Variants in HEXD observed in about 807,000 individuals in gnomAD.
The protein encoded by HEXD is N-acetyl-beta-galactosaminidase.
A neutral mutation model predicts 54.2 loss-of-function variants in HEXD; 47 were observed. The observed-to-expected ratio is 0.87, with a 90% CI of 0.69 to 1.11. The LOEUF (loss-of-function observed/expected upper bound fraction) is 1.11. HEXD is among the 50% of genes least tolerant of loss of function. The pLI is 0.00. For missense variants in HEXD, 576 were observed against 649.2 expected, an observed-to-expected ratio of 0.89 and a Z score of 1.23; for synonymous variants, 293 against 287.6, an observed-to-expected ratio of 1.02 and a Z score of -0.19.
chr17:82,442,464 C>T lies in HEXD; in HGVS notation c.*80C>T. On this transcript the variant is annotated 3_prime_UTR_variant, in exon 13 of 13. Transcript: ENST00000327949. This position sits in a 1 kb window ranked among gnomAD's most constrained non-coding sequence, Gnocchi z 6.8. ...CCAAATGGCCTGGGCAATACGGGCC[C>T]ACGTGGGCGTCGTGCCCTCTGGCCC... 1 of 1,608,158 alleles carries T rather than the reference C, an allele frequency of 6.2e-7. No homozygotes were observed.
chr17:82,442,385 G>C lies in HEXD; in HGVS notation c.*1G>C. On this transcript the variant is annotated 3_prime_UTR_variant, in exon 13 of 13. Transcript: ENST00000327949. This position sits in a 1 kb window ranked among gnomAD's most constrained non-coding sequence, Gnocchi z 6.8. ...CAGGGACGTTGCTCAGGACCCCTGAGGGGAGAGCTCATGCCAGGGGGCTCC... is the reference window on the plus strand; with the variant it reads ...CAGGGACGTTGCTCAGGACCCCTGACGGGAGAGCTCATGCCAGGGGGCTCC... 6.2e-7 allele frequency: 1 copy of C among 1,609,874 alleles called. No homozygotes were observed. The highest frequency in any genetic ancestry group is 8.5e-7 in the Non-Finnish European group (1 of 1,177,770).
chr17:82,424,571 G>C, intron 3 of HEXD, 68 bp downstream of exon 3: 1 of 1,103,702 alleles, frequency 9.1e-7, no homozygotes, highest in South Asian at 1.3e-5. Flanking sequence ...CCGCAGGGCA[G>C]GAGGAGCAGC....
intron 9 of HEXD, chr17:82,439,965 A>G (rs1366684871): frequency 1.3e-6 from 2 of 1,485,514 alleles, no homozygotes; most frequent in Non-Finnish European, 1.8e-6. Context: ...CCTCAGACAC[A>G]GTGAATCCGC....
intron 3 of HEXD, among the ~76,000 whole-genome samples, 200 bp from the exon 4 acceptor site, chr17:82,428,358 A>G (rs919757244): frequency 5.9e-5 from 9 of 152,156 alleles, no homozygotes; most frequent in Non-Finnish European, 1.2e-4. Flanking sequence ...TTACTTGAGG[A>G]CGTGCTAGAA....
intron 9 of HEXD, chr17:82,440,495 C>A: frequency 2.5e-6 from 1 of 392,446 alleles, no homozygotes; most frequent in Non-Finnish European, 4.3e-6. Flanking sequence ...ACGGCCCCAT[C>A]CGCCACCCGT....
In HEXD at chr17:82,438,132, G is replaced by C. The variant is rs4468665; in HGVS notation, c.899+769G>C. Among the ~76,000 whole-genome samples, 1,351 of 152,234 alleles carry C rather than the reference G, an allele frequency of 8.9e-3. 19 individuals carry two copies. The highest frequency in any genetic ancestry group is 0.031 in the African/African-American group (1,273 of 41,528). On this transcript the variant is annotated intron_variant, in intron 8 of 12. Coordinates refer to ENST00000327949, the MANE Select transcript of HEXD (RefSeq NM_001330542.2). ...CGCGCCTATGATCCTAGCTACTCGG[G>C]AGGCTGAGGCAAGGAGAATCACTTG...
At chr17:82,424,325 C>A in intron 2 of HEXD, 69 bp from the exon 3 acceptor site, 2 of 973,924 alleles carry the variant, frequency 2.1e-6, no homozygotes, top group Non-Finnish European at 3.3e-6. Flanking sequence ...AGGCGTCTCC[C>A]TGCTGTGGAC....
chr17:82,436,654 G>T lies in HEXD; in HGVS notation c.632-13G>T, dbSNP rs4789777. On this transcript the variant is annotated splice_polypyrimidine_tract_variant and intron_variant, in intron 6 of 12. Transcript: ENST00000327949. ...CAGGTGTCTCACCAACCTCACGTCC[G>T]CTCTGTCTGCAGCGTCCGGGGTGCC... 549,093 of 1,600,844 alleles carry T rather than the reference G, an allele frequency of 0.34. 105,334 individuals carry two copies. The highest frequency in any genetic ancestry group is 0.91 in the East Asian group (40,757 of 44,660).
rs111506538 is a variant in HEXD, at chr17:82,431,868, C to T, written c.283-1790C>T. On this transcript the variant is annotated intron_variant, in intron 4 of 12. Transcript: ENST00000327949. The stretch of plus-strand genomic sequence containing the variant: ...ATTTTTGGTTGAGAACTGAACATTT[C>T]AGTTAATACATTATAGCAAAGCTGA... 3.3e-3 allele frequency among the ~76,000 whole-genome samples: 497 copies of T among 152,336 alleles called. 1 individual carries two copies. The highest frequency in any genetic ancestry group is 6.8e-3 in the Middle Eastern group (2 of 294).
chr17:82,420,218 T>C (rs2143355371), intron 2 of HEXD: 1 of 179,394 alleles, frequency 5.6e-6, no homozygotes, highest in Non-Finnish European at 1.2e-5. Flanking sequence ...AAATAGGATC[T>C]TTGCAGATGT....
intron 6 of HEXD, 110 bp downstream of exon 6, chr17:82,435,982 C>T (rs1414548555): frequency 5.4e-5 from 56 of 1,027,838 alleles, no homozygotes; most frequent in South Asian, 2.6e-4. Context: ...GCCCCAGCCC[C>T]GCACAGACCC....
Position 82,441,281 on chromosome 17 carries a change from TAGGGGCAGGTGTGGGTG to T in HEXD, c.1163+21_1163+37del. On this transcript the variant is annotated intron_variant, in intron 11 of 12. Coordinates refer to ENST00000327949, the MANE Select transcript of HEXD (RefSeq NM_001330542.2). ...GAGGGCAACAGGTGAGCGTGTGGGTTAGGGGCAGGTGTGGGTGAGGGGGGCAGGCATGGGGCGGGTGC... is the reference window on the plus strand; with the variant it reads ...GAGGGCAACAGGTGAGCGTGTGGGTTAGGGGGGCAGGCATGGGGCGGGTGC... 3.1e-6 allele frequency: 5 copies of T among 1,595,384 alleles called. No individual in the cohort carries two copies. Among genetic ancestry groups the T allele is most frequent in the Non-Finnish European group, 1.7e-6 (2 of 1,173,236 alleles).
intron 6 of HEXD, 51 bp downstream of exon 6, chr17:82,435,923 C>T: frequency 1.3e-6 from 2 of 1,545,052 alleles, no homozygotes. Context: ...TGCCCAAGAC[C>T]TGCGGCTTCA....
rs2053128843 is a variant in HEXD, at chr17:82,418,484, A to G, written c.-308A>G. On this transcript the variant is annotated 5_prime_UTR_variant, in exon 1 of 13. Coordinates refer to ENST00000327949, the MANE Select transcript of HEXD (RefSeq NM_001330542.2). ...GGTTGCGGCCCTCCGCTGAGGAGCC[A>G]TCGGACCAGGCCGCCGCGGAGCCGG... 1 of 1,447,878 alleles carries G rather than the reference A, an allele frequency of 6.9e-7. No homozygotes were observed. Among genetic ancestry groups the G allele is most frequent in the African/African-American group, 1.5e-5 (1 of 67,556 alleles). The allele number at this position is 1,447,878 out of a possible 1,614,324, so 89.7% of individuals were successfully genotyped here. A position where few individuals can be genotyped will look rare whatever the true frequency, so the allele number is the denominator to read the frequency against.
rs1279922986 is a variant in HEXD, at chr17:82,442,644, G to A, written c.*260G>A. 1 of 1,492,838 alleles carries A rather than the reference G, an allele frequency of 6.7e-7. No individual in the cohort carries two copies. Among genetic ancestry groups the A allele is most frequent in the Non-Finnish European group, 9.1e-7 (1 of 1,100,750 alleles). The allele number at this position is 1,492,838 out of a possible 1,614,324, so 92.5% of individuals were successfully genotyped here. On this transcript the variant is annotated 3_prime_UTR_variant, in exon 13 of 13. Coordinates refer to ENST00000327949, the MANE Select transcript of HEXD (RefSeq NM_001330542.2). The surrounding 1 kb of genome is among the most constrained non-coding windows in gnomAD (Gnocchi z 6.8). ...GAAATAAAGAGTGGAAGCTGCAGGT[G>A]ACACGTGAAGGGTTATTTATGGTTA... is the stretch of plus-strand genomic sequence containing the variant.
intron 2 of HEXD, among the ~76,000 whole-genome samples, chr17:82,424,130 T>C (rs1431386180): frequency 1.3e-5 from 2 of 152,142 alleles, no homozygotes; most frequent in East Asian, 3.9e-4. Context: ...GACCCGTCCC[T>C]CCCAAGCTGA....
chr17:82,424,689 T>C (rs2143416341), intron 3 of HEXD, among the ~76,000 whole-genome samples, 186 bp downstream of exon 3: 1 of 152,396 alleles, frequency 6.6e-6, no homozygotes, highest in African/African-American at 2.4e-5. Context: ...AAGTTTCATT[T>C]CAAACATTCA....
intron 5 of HEXD, 109 bp from the exon 6 acceptor site, chr17:82,435,580 C>T (rs1252313627): frequency 7.1e-6 from 8 of 1,133,360 alleles, no homozygotes; most frequent in East Asian, 2.5e-5. Context: ...TCCCTGGCCT[C>T]CTCCCCACAG....
intron 4 of HEXD, among the ~76,000 whole-genome samples, chr17:82,432,982 T>C (rs1331040420): frequency 1.4e-4 from 19 of 137,556 alleles, no homozygotes; most frequent in East Asian, 9.2e-4. Flanking sequence ...AGGAGAATGG[T>C]GTGAACCTGG....
Sources: gnomAD v4.1 joint callset for allele counts (sites outside exome capture counted in the v4.1 genomes callset) on GRCh38, gnomAD v4.1.1 for gene constraint, Gnocchi (gnomAD v3.1) non-coding constraint, MANE v1.5 for transcripts, NCBI Gene and HGNC (gene_info 2026-07-23, HGNC 2026-07-21) for gene names.